TSHR: variants seen among roughly 807,000 people sequenced by gnomAD.
The protein encoded by TSHR is thyrotropin receptor.
Under a neutral mutation model 64.1 loss-of-function variants are expected in TSHR, and 51 were observed. The observed-to-expected ratio is 0.80, with a 90% CI of 0.64 to 1.01. The LOEUF is 1.01. TSHR is among the 50% of genes least tolerant of loss of function. The pLI is 0.00. For missense variants in TSHR, 877 were observed against 942.8 expected (o/e 0.93, Z 0.91); for synonymous variants, 361 against 361.9 (o/e 1.00, Z 0.03).
At chr14:81,056,730 C>T (rs907285023) in intron 1 of TSHR, among the ~76,000 whole-genome samples, 8 of 152,116 alleles carry the variant, frequency 5.3e-5, no homozygotes, top group Non-Finnish European at 1.2e-4. Context: ...ACAAAAAAAG[C>T]CCAAATCAAA....
At chr14:81,062,916 T>C (rs180841931) in intron 2 of TSHR, among the ~76,000 whole-genome samples, 279 of 152,248 alleles carry the variant, frequency 1.8e-3, no homozygotes, top group African/African-American at 6.2e-3. Flanking sequence ...ATTTTGTTAG[T>C]GTTTCTGTCA....
intron 7 of TSHR, among the ~76,000 whole-genome samples, chr14:81,107,735 C>G (rs149420443): frequency 2.6e-5 from 4 of 152,116 alleles, no homozygotes; most frequent in African/African-American, 9.7e-5. Context: ...AAATACAGGC[C>G]ACCCAATACA....
intron 1 of TSHR, among the ~76,000 whole-genome samples, chr14:81,009,460 ACAT>A (rs1889794636): frequency 6.6e-6 from 1 of 152,198 alleles, no homozygotes; most frequent in Non-Finnish European, 1.5e-5. Flanking sequence ...AAAAAATAAA[ACAT>A]CATACTGGAG....
intron 7 of TSHR, among the ~76,000 whole-genome samples, chr14:81,107,428 G>A (rs1889967757): frequency 1.3e-5 from 2 of 152,028 alleles, no homozygotes; most frequent in African/African-American, 4.8e-5. Flanking sequence ...TTGTAACAAG[G>A]ATATATATAT....
chr14:81,062,300 G>T (rs922040794), intron 2 of TSHR, 81 bp downstream of exon 2: 9 of 1,030,714 alleles, frequency 8.7e-6, no homozygotes, highest in South Asian at 1.4e-5. Context: ...AAAATACTTG[G>T]TATTATACTT....
At chr14:81,026,331 G>A (rs891729807) in intron 1 of TSHR, among the ~76,000 whole-genome samples, 4 of 152,064 alleles carry the variant, frequency 2.6e-5, no homozygotes, top group Non-Finnish European at 4.4e-5. Flanking sequence ...CCACACAATC[G>A]ACATACTTGT....
chr14:81,000,510 G>A (rs1221849355), intron 1 of TSHR, among the ~76,000 whole-genome samples: 1 of 152,094 alleles, frequency 6.6e-6, no homozygotes, highest in Non-Finnish European at 1.5e-5. Context: ...GTGGTGGCTG[G>A]GAAGGTTAAG....
At chr14:81,097,975 C>T (rs1053414645) in intron 7 of TSHR, among the ~76,000 whole-genome samples, 6 of 151,990 alleles carry the variant, frequency 3.9e-5, no homozygotes, top group Non-Finnish European at 5.9e-5. Flanking sequence ...GATACTTACC[C>T]CCTCAAATTT....
At chr14:81,044,182 A>G (rs1036708513) in intron 1 of TSHR, among the ~76,000 whole-genome samples, 2 of 152,230 alleles carry the variant, frequency 1.3e-5, no homozygotes, top group African/African-American at 4.8e-5. Flanking sequence ...TTTGGAATGT[A>G]TTCATCTGAC....
intron 8 of TSHR, among the ~76,000 whole-genome samples, chr14:81,113,954 A>T (rs1890348482): frequency 6.6e-6 from 1 of 152,194 alleles, no homozygotes; most frequent in Non-Finnish European, 1.5e-5. Context: ...GAATAAGCAC[A>T]GTTGGGGTTA....
chr14:80,968,378 CTT>C (rs59605693), intron 1 of TSHR, among the ~76,000 whole-genome samples: 4 of 145,978 alleles, frequency 2.7e-5, no homozygotes, highest in African/African-American at 5.0e-5. Context: ...GATGTCCTTA[CTT>C]TTTTTTTTTT....
intron 2 of TSHR, 128 bp downstream of exon 2, chr14:81,062,347 G>A: frequency 3.1e-6 from 2 of 644,928 alleles, no homozygotes; most frequent in Non-Finnish European, 2.6e-6. Flanking sequence ...CAATGTATAT[G>A]ACAATTTTAT....
chr14:81,018,378 T>C (rs1012235855), intron 1 of TSHR, among the ~76,000 whole-genome samples: 1 of 152,234 alleles, frequency 6.6e-6, no homozygotes, highest in Non-Finnish European at 1.5e-5. Context: ...AGTTATCCAG[T>C]AGGGTCAATT....
intron 5 of TSHR, 112 bp downstream of exon 5, chr14:81,091,255 A>G (rs533575046): frequency 2.1e-6 from 2 of 971,222 alleles, no homozygotes; most frequent in Non-Finnish European, 3.3e-6. Context: ...TTCAAGGAGT[A>G]AGCAATGATC....
At chr14:81,001,711 G>T (rs1478027845) in intron 1 of TSHR, 6 of 466,052 alleles carry the variant, frequency 1.3e-5, no homozygotes, top group Non-Finnish European at 2.1e-5. Flanking sequence ...GCAGTTTCAC[G>T]AGTGTTCTTA....
At chr14:81,058,600 A>G (rs1885995219) in intron 1 of TSHR, among the ~76,000 whole-genome samples, 1 of 152,188 alleles carries the variant, frequency 6.6e-6, no homozygotes, top group Admixed American at 6.6e-5. Context: ...TGAATTATCA[A>G]AGGCAAATAA....
chr14:81,120,236 G>A (rs72627193), intron 8 of TSHR, among the ~76,000 whole-genome samples: 5,899 of 152,148 alleles, frequency 0.039, 340 homozygotes, highest in East Asian at 0.23. Flanking sequence ...AAGTCACCAT[G>A]GTAATGCCCA....
chr14:81,108,672 G>A, intron 8 of TSHR: 1 of 1,613,918 alleles, frequency 6.2e-7, no homozygotes, highest in Non-Finnish European at 8.5e-7. Context: ...GCTCCAGTAT[G>A]CCATCATGAT....
intron 8 of TSHR, among the ~76,000 whole-genome samples, chr14:81,114,389 T>A (rs1176117845): frequency 3.3e-5 from 5 of 152,306 alleles, no homozygotes; most frequent in South Asian, 2.1e-4. Context: ...GTCAGGGAGT[T>A]CCCTTTCCTA....
Sources: allele counts gnomAD v4.1 joint callset (sites outside exome capture counted in the v4.1 genomes callset), GRCh38; gene constraint gnomAD v4.1.1; transcripts MANE v1.5; gene names NCBI Gene and HGNC (gene_info 2026-07-23, HGNC 2026-07-21).